Variants in PDXP observed in about 807,000 individuals in gnomAD.
PDXP encodes chronophin.
In PDXP, 15 loss-of-function variants were observed where a neutral mutation model predicts 14.4. The ratio of observed to expected loss-of-function variants is 1.04; its 90% CI spans 0.70 to 1.60. The LOEUF (loss-of-function observed/expected upper bound fraction) is 1.60, where lower values mean the gene tolerates loss of function less well. Among genes scored for constraint, PDXP ranks in the 40% most tolerant of loss-of-function variants. The pLI is 0.00. For synonymous variants in PDXP, 233 were observed against 205.6 expected (o/e 1.13, Z -1.14); for missense variants, 413 against 427.6 (o/e 0.97, Z 0.30).
At position 37,665,944 on chromosome 22, in the gene PDXP, G is replaced by C; in HGVS notation, c.*73G>C. On this transcript the variant is annotated 3_prime_UTR_variant, in exon 2 of 2. Coordinates refer to ENST00000215904, the MANE Select transcript of PDXP (RefSeq NM_020315.5). Reference sequence around the variant, plus strand: ...CCCGTAGGTGGAGGCGATGGGTCACGAGCCATGTTAAGCACAACCGGCTCC... The same window carrying C: ...CCCGTAGGTGGAGGCGATGGGTCACCAGCCATGTTAAGCACAACCGGCTCC... 1 of 1,447,528 alleles carries C rather than the reference G, an allele frequency of 6.9e-7. No homozygotes were observed. The allele number at this position is 1,447,528 out of a possible 1,614,324, so 89.7% of individuals were successfully genotyped here. A position where few individuals can be genotyped will look rare whatever the true frequency, so the allele number is the denominator to read the frequency against.
chr22:37,659,113 T>G lies in PDXP; in HGVS notation c.331T>G (p.Phe111Val). ...GCCTCCGGACGCGCCGGGCGCCGTG[T>G]TCGTGCTGGGCGGCGAGGGGCTGCG... ...PGPPDAPGAVFVLGGEGLRAE... is the reference protein window; with the variant it reads ...PGPPDAPGAVVVLGGEGLRAE... Residue 111 changes from phenylalanine to valine, a missense_variant, in exon 1 of 2, where the codon TTC becomes GTC. Physicochemically the swap from Phe to Val is conservative, Grantham distance 50. Coordinates refer to ENST00000215904, the MANE Select transcript of PDXP (RefSeq NM_020315.5). The G allele has an allele frequency of 9.7e-7, 1 of 1,032,054 alleles. No homozygotes were observed. Among genetic ancestry groups the G allele is most frequent in the Non-Finnish European group, 1.2e-6 (1 of 862,612 alleles). 63.9% of individuals were successfully genotyped at this position (1,032,054 alleles called of 1,614,324 possible).
chr22:37,659,361 G>A lies in PDXP; in HGVS notation c.574+5G>A. 1 of 1,298,430 alleles carries A rather than the reference G, an allele frequency of 7.7e-7. No individual in the cohort carries two copies. The highest frequency in any genetic ancestry group is 9.8e-7 in the Non-Finnish European group (1 of 1,021,526). 80.4% of individuals were successfully genotyped at this position (1,298,430 alleles called of 1,614,324 possible). A position where few individuals can be genotyped will look rare whatever the true frequency, so the allele number is the denominator to read the frequency against. The stretch of plus-strand genomic sequence containing the variant: ...GCGACGGCAGCCGGACCCCTGGTGA[G>A]CGCGGGAATGGCGGGGAAACTGAGA... On this transcript the variant is annotated splice_donor_5th_base_variant and intron_variant, in intron 1 of 1. Transcript: ENST00000215904.
chr22:37,662,818 T>C (rs2146089504), intron 1 of PDXP, among the ~76,000 whole-genome samples: 1 of 151,560 alleles, frequency 6.6e-6, no homozygotes, highest in African/African-American at 2.4e-5. Context: ...GGAAACCCTG[T>C]CTCCACTAAA....
intron 1 of PDXP, among the ~76,000 whole-genome samples, chr22:37,663,344 C>G (rs1933241164): frequency 6.6e-6 from 1 of 151,264 alleles, no homozygotes; most frequent in South Asian, 2.1e-4. Context: ...AGTTTGTAAG[C>G]TGACTTTTTT....
In PDXP at chr22:37,666,569, A is replaced by C. The variant is rs1921089881; in HGVS notation, c.*698A>C. ...CCTGAGAGACAGTGGCCCCTTGATA[A>C]TCTGGGTCTCACGGGACCAGCTAGG... On this transcript the variant is annotated 3_prime_UTR_variant, in exon 2 of 2. Coordinates refer to ENST00000215904, the MANE Select transcript of PDXP (RefSeq NM_020315.5). 1 of 167,236 alleles carries C rather than the reference A, an allele frequency of 6.0e-6. No individual in the cohort carries two copies. Among genetic ancestry groups the C allele is most frequent in the Admixed American group, 6.5e-5 (1 of 15,290 alleles). The allele number at this position is 167,236 out of a possible 1,614,324, so 10.4% of individuals were successfully genotyped here.
intron 1 of PDXP, 147 bp from the exon 2 acceptor site, chr22:37,665,408 A>G (rs1601597435): frequency 6.2e-6 from 4 of 641,394 alleles, no homozygotes. Flanking sequence ...ACCCTTAACC[A>G]CTACAGTGAG....
chr22:37,664,749 G>C (rs552271338), intron 1 of PDXP, among the ~76,000 whole-genome samples: 35 of 152,358 alleles, frequency 2.3e-4, no homozygotes, highest in Non-Finnish European at 4.0e-4. Flanking sequence ...GTGTGAGGCA[G>C]GATGGTACTG....
chr22:37,661,972 T>C (rs1325294677), intron 1 of PDXP, among the ~76,000 whole-genome samples: 2 of 123,490 alleles, frequency 1.6e-5, no homozygotes, highest in Non-Finnish European at 3.2e-5. Context: ...GACAGAGTCT[T>C]GCTCTGTCAC....
chr22:37,661,617 C>T lies in PDXP; in HGVS notation c.574+2261C>T, dbSNP rs114909705. On this transcript the variant is annotated intron_variant, in intron 1 of 1. Transcript: ENST00000215904. ...GGAATGATGGTGGCCTGGGAGACGG[C>T]GATGTTCCCAGATGCCCCTGCTAGG... Among the ~76,000 whole-genome samples the T allele has an allele frequency of 6.4e-3, 978 of 152,154 alleles. 14 individuals are homozygous for T. The highest frequency in any genetic ancestry group is 0.023 in the African/African-American group (941 of 41,512).
chr22:37,665,908 C>T lies in PDXP; in HGVS notation c.*37C>T. The T allele has an allele frequency of 1.3e-6, 2 of 1,579,548 alleles. No homozygotes were observed. Among genetic ancestry groups the T allele is most frequent in the Non-Finnish European group, 8.7e-7 (1 of 1,154,332 alleles). ...CTGCAGCCACAGGCCCACCCCTCCC[C>T]ACTCCCTGATCCCGTAGGTGGAGGC... On this transcript the variant is annotated 3_prime_UTR_variant, in exon 2 of 2. Transcript: ENST00000215904.
rs1247223785 is a variant in PDXP, at chr22:37,663,320, AT to A, written c.575-2234del. On this transcript the variant is annotated intron_variant, in intron 1 of 1. Transcript: ENST00000215904. The stretch of plus-strand genomic sequence containing the variant: ...CTCCGTCTCAAAAAAAAAAAAAAAA[AT>A]CATATAGTTGTAAGTTTGTAAGCTG... Among the ~76,000 whole-genome samples, 3 of 149,226 alleles carry A rather than the reference AT, an allele frequency of 2.0e-5. No homozygotes were observed. In the East Asian group the frequency reaches 5.9e-4, roughly 29 times the overall value.
intron 1 of PDXP, 50 bp downstream of exon 1, chr22:37,659,406 C>A (rs1933157494): frequency 3.3e-6 from 4 of 1,229,612 alleles, no homozygotes; most frequent in Non-Finnish European, 4.1e-6. Flanking sequence ...CCTGCGCATT[C>A]GCCTCCACGC....
intron 1 of PDXP, among the ~76,000 whole-genome samples, chr22:37,663,215 A>C (rs1933238322): frequency 6.6e-6 from 1 of 151,194 alleles, no homozygotes; most frequent in African/African-American, 2.4e-5. Flanking sequence ...GAGGCAGGAG[A>C]ACGGCATGAA....
At chr22:37,663,260 C>T (rs897816010) in intron 1 of PDXP, among the ~76,000 whole-genome samples, 1 of 149,868 alleles carries the variant, frequency 6.7e-6, no homozygotes, top group African/African-American at 2.5e-5. Context: ...GCCGAGATGA[C>T]GCCACTGCAC....
At chr22:37,663,136 T>TA (rs924989456) in intron 1 of PDXP, among the ~76,000 whole-genome samples, 6 of 150,710 alleles carry the variant, frequency 4.0e-5, no homozygotes, top group Admixed American at 6.6e-5. Context: ...CCATCTCTAC[T>TA]AAAAAAATAC....
At chr22:37,660,651 C>T (rs1933184577) in intron 1 of PDXP, among the ~76,000 whole-genome samples, 1 of 152,158 alleles carries the variant, frequency 6.6e-6, no homozygotes, top group Non-Finnish European at 1.5e-5. Flanking sequence ...TATACTGGGG[C>T]CGTGGACAGA....
chr22:37,662,536 C>T (rs1278461281), intron 1 of PDXP, among the ~76,000 whole-genome samples: 1 of 152,166 alleles, frequency 6.6e-6, no homozygotes, highest in Non-Finnish European at 1.5e-5. Context: ...AGTCCCTGAA[C>T]GTGGGGTCAG....
intron 1 of PDXP, among the ~76,000 whole-genome samples, chr22:37,660,889 G>A (rs1263793151): frequency 6.6e-6 from 1 of 152,140 alleles, no homozygotes; most frequent in Admixed American, 6.5e-5. Flanking sequence ...ATGGCAGAGA[G>A]GGATTCTGTA....
rs922217269 is a variant in PDXP at position 37,666,326 on chromosome 22, G to A, written c.*455G>A. 4.3e-5 allele frequency: 9 copies of A among 207,318 alleles called. No homozygotes were observed. Among genetic ancestry groups the A allele is most frequent in the Non-Finnish European group, 9.8e-5 (9 of 91,384 alleles). The allele number at this position is 207,318 out of a possible 1,614,324, so 12.8% of individuals were successfully genotyped here. ...TTGTCCTGGGTGGACCAATCCAAAG[G>A]CTAAGTGATAGTGACTCATCAATGT... On this transcript the variant is annotated 3_prime_UTR_variant, in exon 2 of 2. Coordinates refer to ENST00000215904, the MANE Select transcript of PDXP (RefSeq NM_020315.5).
Sources: allele counts gnomAD v4.1 joint callset (sites outside exome capture counted in the v4.1 genomes callset), GRCh38; gene constraint gnomAD v4.1.1; transcripts MANE v1.5; gene names NCBI Gene and HGNC (gene_info 2026-07-23, HGNC 2026-07-21).